Variants in PDE4D observed in about 807,000 individuals in gnomAD.
PDE4D encodes the protein phosphodiesterase 4D.
Under a neutral mutation model 87.4 loss-of-function variants are expected in PDE4D, and 24 were observed. That is an observed-to-expected ratio of 0.27 (90% CI 0.20 to 0.39). The LOEUF is 0.39. Among genes scored for constraint, PDE4D ranks in the 10% least tolerant of loss-of-function variants. The pLI, the probability that PDE4D is intolerant of heterozygous loss-of-function variation, is 1.00. For missense variants in PDE4D, 714 were observed against 1,041.0 expected, an observed-to-expected ratio of 0.69 and a Z score of 4.32; for synonymous variants, 384 against 383.2, an observed-to-expected ratio of 1.00 and a Z score of -0.02.
At chr5:59,352,767 T>C (rs1380925674) in intron 1 of PDE4D, among the ~76,000 whole-genome samples, 1 of 152,216 alleles carries the variant, frequency 6.6e-6, no homozygotes, top group Admixed American at 6.5e-5. Context: ...TGTTTGTTGA[T>C]CTGACTGTCA....
intron 2 of PDE4D, among the ~76,000 whole-genome samples, chr5:60,115,341 T>C (rs1778073217): frequency 6.6e-6 from 1 of 152,120 alleles, no homozygotes; most frequent in African/African-American, 2.4e-5. Context: ...TTCCTCATCA[T>C]GAGGTCTCTG....
chr5:58,988,595 G>A lies in PDE4D; in HGVS notation c.1453-3C>T. 6 of 1,425,698 alleles carry A rather than the reference G, an allele frequency of 4.2e-6. No individual in the cohort carries two copies. Among genetic ancestry groups the A allele is most frequent in the East Asian group, 2.6e-5 (1 of 39,004 alleles). The allele number at this position is 1,425,698 out of a possible 1,614,324, so 88.3% of individuals were successfully genotyped here. ...ATCTCCAAATCTGTAAACACAGCCT[G>A]GAAAATCAGACAATATAGATAATAT... On this transcript the variant is annotated splice_region_variant and splice_polypyrimidine_tract_variant and intron_variant, in intron 10 of 14. Coordinates refer to ENST00000340635, the MANE Select transcript of PDE4D (RefSeq NM_001104631.2).
intron 1 of PDE4D, among the ~76,000 whole-genome samples, chr5:59,421,046 G>A (rs185141386): frequency 3.9e-5 from 6 of 152,218 alleles, no homozygotes; most frequent in Admixed American, 2.0e-4. Context: ...AGTAAATGCC[G>A]TATGCTTCAG....
intron 2 of PDE4D, among the ~76,000 whole-genome samples, chr5:60,101,670 A>G (rs780398117): frequency 1.3e-5 from 2 of 152,170 alleles, no homozygotes; most frequent in Non-Finnish European, 2.9e-5. Flanking sequence ...TCATAAGCCT[A>G]AGTAGAATCT....
chr5:59,475,435 C>T (rs553450347), intron 1 of PDE4D, among the ~76,000 whole-genome samples: 16 of 152,158 alleles, frequency 1.1e-4, no homozygotes, highest in East Asian at 1.9e-4. Flanking sequence ...TTGGGGATAA[C>T]AAATCTGTAG....
rs1050015934 is a variant in PDE4D, at chr5:59,420,961, C to T, written c.456-204993G>A. Among the ~76,000 whole-genome samples, 9 of 152,234 alleles carry T rather than the reference C, an allele frequency of 5.9e-5. No individual in the cohort carries two copies. The South Asian group carries it at 1.7e-3, about 28-fold the overall frequency. ...GGGTGAGTTAAATAATTTATTATCGCACAACTGACTTTGAGACCTCCGTAC... is the reference window on the plus strand; with the variant it reads ...GGGTGAGTTAAATAATTTATTATCGTACAACTGACTTTGAGACCTCCGTAC... On this transcript the variant is annotated intron_variant, in intron 1 of 14. Coordinates refer to ENST00000340635, the MANE Select transcript of PDE4D (RefSeq NM_001104631.2).
At chr5:60,301,432 G>C (rs1302474586) in intron 1 of PDE4D, among the ~76,000 whole-genome samples, 5 of 152,060 alleles carry the variant, frequency 3.3e-5, no homozygotes, top group Non-Finnish European at 5.9e-5. Context: ...CACTTCCCTT[G>C]CTAGCTGTAT....
chr5:59,439,019 T>C (rs943176996), intron 1 of PDE4D, among the ~76,000 whole-genome samples: 5 of 152,198 alleles, frequency 3.3e-5, no homozygotes, highest in African/African-American at 1.2e-4. Context: ...CCTGAGTTTA[T>C]TCAGCATAAT....
intron 5 of PDE4D, among the ~76,000 whole-genome samples, chr5:59,057,780 C>T (rs551116839): frequency 6.6e-5 from 10 of 152,252 alleles, no homozygotes; most frequent in African/African-American, 1.2e-4. Flanking sequence ...GAAGGGCTTT[C>T]TGGGTAGAAA....
chr5:60,181,798 T>C (rs1784398289), intron 2 of PDE4D, among the ~76,000 whole-genome samples: 1 of 152,190 alleles, frequency 6.6e-6, no homozygotes. Context: ...ATCTAGTTTA[T>C]TCTCCAGATG....
At chr5:59,020,335 C>T (rs10059338) in intron 6 of PDE4D, among the ~76,000 whole-genome samples, 15,038 of 151,902 alleles carry the variant, frequency 0.099, 1,032 homozygotes, top group Non-Finnish European at 0.13. Context: ...AACAGCTGGG[C>T]GTGGTCATGC....
intron 1 of PDE4D, among the ~76,000 whole-genome samples, chr5:60,228,530 T>G (rs2149617133): frequency 6.6e-6 from 1 of 152,176 alleles, no homozygotes; most frequent in East Asian, 1.9e-4. Flanking sequence ...CTTCCCAGCA[T>G]TCACATCCTT....
intron 5 of PDE4D, among the ~76,000 whole-genome samples, chr5:59,065,852 T>C (rs1371737692): frequency 6.6e-6 from 1 of 152,184 alleles, no homozygotes; most frequent in Non-Finnish European, 1.5e-5. Context: ...TATAAGAAAG[T>C]CCATTCTATA....
chr5:59,772,593 T>C (rs540093640), intron 1 of PDE4D, among the ~76,000 whole-genome samples: 58 of 152,298 alleles, frequency 3.8e-4, no homozygotes, highest in African/African-American at 1.4e-3. Flanking sequence ...ACACAAAAAG[T>C]GTGCTTTTGT....
At chr5:60,076,533 T>C (rs369385366) in intron 2 of PDE4D, among the ~76,000 whole-genome samples, 5 of 152,284 alleles carry the variant, frequency 3.3e-5, no homozygotes, top group African/African-American at 9.6e-5. Flanking sequence ...GGGTGTTTCA[T>C]GGTGGTATAA....
chr5:59,311,304 A>G (rs1561933051), intron 1 of PDE4D, among the ~76,000 whole-genome samples: 1 of 151,822 alleles, frequency 6.6e-6, no homozygotes. Flanking sequence ...AGGCGGGTGG[A>G]TCACCTGAGT....
At chr5:59,625,578 T>G (rs759947332) in intron 1 of PDE4D, among the ~76,000 whole-genome samples, 1 of 152,066 alleles carries the variant, frequency 6.6e-6, no homozygotes, top group African/African-American at 2.4e-5. Flanking sequence ...AAAAAGACTA[T>G]AGCCAAAACA....
chr5:60,398,058 G>C (rs1763005051), intron 1 of PDE4D, among the ~76,000 whole-genome samples: 1 of 152,186 alleles, frequency 6.6e-6, no homozygotes, highest in Middle Eastern at 3.4e-3. Flanking sequence ...GAATCCAAGA[G>C]GTTTTGCTTT....
intron 2 of PDE4D, among the ~76,000 whole-genome samples, chr5:60,037,366 T>A (rs1049537077): frequency 2.0e-5 from 3 of 152,188 alleles, no homozygotes; most frequent in African/African-American, 7.2e-5. Context: ...TGGTACTAGA[T>A]CTTTACAAAA....
Sources: gnomAD v4.1 joint callset for allele counts (sites outside exome capture counted in the v4.1 genomes callset) on GRCh38, gnomAD v4.1.1 for gene constraint, MANE v1.5 for transcripts, NCBI Gene and HGNC (gene_info 2026-07-23, HGNC 2026-07-21) for gene names.